UBASH3B: variants seen among roughly 807,000 people sequenced by gnomAD.
The protein encoded by UBASH3B is ubiquitin associated and SH3 domain containing B.
Under a neutral mutation model 83.4 loss-of-function variants are expected in UBASH3B, and 37 were observed. That is an observed-to-expected ratio of 0.44 (90% CI 0.34 to 0.58). The LOEUF is 0.58. UBASH3B is among the 20% of genes least tolerant of loss of function. The pLI is 0.01. For synonymous variants in UBASH3B, 304 were observed against 318.3 expected (o/e 0.96, Z 0.48); for missense variants, 657 against 827.2 (o/e 0.79, Z 2.52).
At chr11:122,670,437 T>G (rs112917802) in intron 1 of UBASH3B, among the ~76,000 whole-genome samples, 137 of 152,308 alleles carry the variant, frequency 9.0e-4, no homozygotes, top group Middle Eastern at 3.4e-3. Flanking sequence ...ATCAAACTGA[T>G]GTACATTCAA....
intron 12 of UBASH3B, among the ~76,000 whole-genome samples, chr11:122,807,644 G>A (rs1029924912): frequency 6.6e-6 from 1 of 152,020 alleles, no homozygotes; most frequent in African/African-American, 2.4e-5. Context: ...TCAATCTCCT[G>A]GGCTCAAGTG....
intron 1 of UBASH3B, among the ~76,000 whole-genome samples, chr11:122,732,177 A>G (rs537047984): frequency 5.3e-5 from 8 of 152,282 alleles, no homozygotes; most frequent in South Asian, 2.1e-4. Context: ...TGGGGTACCC[A>G]TATGCATACA....
rs1465225825 is a variant in UBASH3B, at chr11:122,793,197, A to G, written c.981-1505A>G. ...CAGGAGTTTGAGACCAGCCTGGCCA[A>G]CATGGTGAAACCCCATCTCTACTAA... On this transcript the variant is annotated intron_variant, in intron 6 of 13. Coordinates refer to ENST00000284273, the MANE Select transcript of UBASH3B (RefSeq NM_032873.5). 2.0e-5 allele frequency among the ~76,000 whole-genome samples: 3 copies of G among 152,206 alleles called. No homozygotes were observed. In the East Asian group the frequency reaches 5.8e-4, roughly 29 times the overall value.
intron 6 of UBASH3B, among the ~76,000 whole-genome samples, chr11:122,792,599 G>A (rs756623473): frequency 4.6e-5 from 7 of 152,194 alleles, no homozygotes; most frequent in Non-Finnish European, 1.0e-4. Context: ...AATTACAGAC[G>A]TGAGCCGCTG....
intron 1 of UBASH3B, among the ~76,000 whole-genome samples, chr11:122,729,970 C>T (rs796964162): frequency 1.5e-4 from 11 of 72,106 alleles, no homozygotes; most frequent in African/African-American, 7.0e-4. Context: ...GAGTGAGACC[C>T]TATCTAAAAA....
At chr11:122,735,049 C>T (rs1039481633) in intron 1 of UBASH3B, among the ~76,000 whole-genome samples, 12 of 151,998 alleles carry the variant, frequency 7.9e-5, no homozygotes, top group African/African-American at 2.9e-4. Flanking sequence ...TTTTCTGCAC[C>T]TTATTATTAT....
chr11:122,666,491 T>C (rs1295827714), intron 1 of UBASH3B, among the ~76,000 whole-genome samples: 1 of 152,162 alleles, frequency 6.6e-6, no homozygotes, highest in Non-Finnish European at 1.5e-5. Flanking sequence ...CGATCTCGGC[T>C]CACTGCAACC....
intron 1 of UBASH3B, among the ~76,000 whole-genome samples, chr11:122,699,531 C>CTCTTTCTTTCTTTTTCTTTCTTTCTT (rs1555137132): frequency 1.9e-5 from 2 of 107,866 alleles, no homozygotes; most frequent in African/African-American, 7.1e-5. Context: ...TTCTTTCTTT[C>CTCTTTCTTTCTTTTTCTTTCTTTCTT]TCTTTCTTTC....
intron 11 of UBASH3B, among the ~76,000 whole-genome samples, chr11:122,804,923 C>T (rs1240284008): frequency 3.3e-5 from 5 of 152,060 alleles, no homozygotes; most frequent in Non-Finnish European, 5.9e-5. Context: ...CATAGTTAAG[C>T]GGGGGTGGAG....
At chr11:122,720,135 C>A (rs886377702) in intron 1 of UBASH3B, among the ~76,000 whole-genome samples, 2 of 152,108 alleles carry the variant, frequency 1.3e-5, no homozygotes, top group African/African-American at 2.4e-5. Flanking sequence ...CATCCCCCAC[C>A]CAGTCCTCTC....
chr11:122,695,371 C>T (rs1429640699), intron 1 of UBASH3B, among the ~76,000 whole-genome samples: 1 of 152,212 alleles, frequency 6.6e-6, no homozygotes, highest in Non-Finnish European at 1.5e-5. Context: ...CTGGCATGAT[C>T]TGATCAGAGC....
At chr11:122,741,826 TTC>T (rs1361897557) in intron 1 of UBASH3B, among the ~76,000 whole-genome samples, 1 of 152,054 alleles carries the variant, frequency 6.6e-6, no homozygotes, top group Non-Finnish European at 1.5e-5. Flanking sequence ...CTCCCACGGG[TTC>T]TGCTTCCTGG....
At chr11:122,808,779 T>A (rs1861386129) in intron 13 of UBASH3B, among the ~76,000 whole-genome samples, 1 of 152,222 alleles carries the variant, frequency 6.6e-6, no homozygotes, top group Non-Finnish European at 1.5e-5. Flanking sequence ...TCAAACTCAA[T>A]TGCAATCTTT....
chr11:122,776,159 G>T (rs973828027), intron 1 of UBASH3B, 60 bp from the exon 2 acceptor site: 1 of 1,515,690 alleles, frequency 6.6e-7, no homozygotes, highest in Non-Finnish European at 9.1e-7. Context: ...CTCAGCTCTT[G>T]CCACTGCAGG....
chr11:122,700,133 G>A (rs1471717018), intron 1 of UBASH3B, among the ~76,000 whole-genome samples: 1 of 152,174 alleles, frequency 6.6e-6, no homozygotes, highest in East Asian at 1.9e-4. Context: ...GAGAAACTGA[G>A]GTAACCATCA....
intron 1 of UBASH3B, among the ~76,000 whole-genome samples, chr11:122,764,108 A>T (rs1367901690): frequency 6.6e-6 from 1 of 152,148 alleles, no homozygotes; most frequent in Admixed American, 6.5e-5. Flanking sequence ...TCGTGGAAAA[A>T]CTTTCTGAGT....
intron 1 of UBASH3B, among the ~76,000 whole-genome samples, chr11:122,703,162 C>T (rs929755655): frequency 6.6e-6 from 1 of 152,058 alleles, no homozygotes; most frequent in Non-Finnish European, 1.5e-5. Flanking sequence ...CACGGTGGCT[C>T]ATGCCTGTAA....
intron 8 of UBASH3B, 40 bp from the exon 9 acceptor site, chr11:122,796,871 G>GAAT (rs778509448): frequency 6.2e-7 from 1 of 1,613,954 alleles, no homozygotes; most frequent in Middle Eastern, 1.7e-4. Context: ...AAGTAAACAA[G>GAAT]AAATGTATGT....
chr11:122,681,506 G>A (rs1018861873), intron 1 of UBASH3B, among the ~76,000 whole-genome samples: 2 of 152,160 alleles, frequency 1.3e-5, no homozygotes, highest in Non-Finnish European at 2.9e-5. Flanking sequence ...CTGAAATCAC[G>A]TGTGTAGTAG....
Sources: allele counts gnomAD v4.1 joint callset (sites outside exome capture counted in the v4.1 genomes callset), GRCh38; gene constraint gnomAD v4.1.1; transcripts MANE v1.5; gene names NCBI Gene and HGNC (gene_info 2026-07-23, HGNC 2026-07-21).